Variants in CARMIL1 observed in about 807,000 individuals in gnomAD.
CARMIL1 encodes the protein capping protein regulator and myosin 1 linker 1.
Under a neutral mutation model 177.1 loss-of-function variants are expected in CARMIL1, and 90 were observed. The observed-to-expected ratio is 0.51, with a 90% CI of 0.43 to 0.61. CARMIL1 has a LOEUF of 0.61. CARMIL1 is among the 20% of genes least tolerant of loss of function. The pLI, the probability that CARMIL1 is intolerant of heterozygous loss-of-function variation, is 0.00. For synonymous variants in CARMIL1, 577 were observed against 606.2 expected (o/e 0.95, Z 0.71); for missense variants, 1,380 against 1,667.0 (o/e 0.83, Z 3.00).
rs55686250 is a variant in CARMIL1 at position 25,431,840 on chromosome 6, C to T, written c.250-3643C>T. Among the ~76,000 whole-genome samples the T allele has an allele frequency of 2.5e-3, 377 of 152,150 alleles. 1 individual carries two copies. Among genetic ancestry groups the T allele is most frequent in the African/African-American group, 7.9e-3 (326 of 41,492 alleles). ...GTCAGTGTCAGTACCAAATGAATAG[C>T]TTTACAACAGTGCTTCAATTTAACT... On this transcript the variant is annotated intron_variant, in intron 4 of 36. Transcript: ENST00000329474.
At chr6:25,366,147 C>A (rs1789769361) in intron 2 of CARMIL1, among the ~76,000 whole-genome samples, 1 of 151,078 alleles carries the variant, frequency 6.6e-6, no homozygotes, top group African/African-American at 2.4e-5. Flanking sequence ...TGTGTACTAC[C>A]ATGCCTGGCT....
Position 25,329,295 on chromosome 6 carries a change from G to T in CARMIL1, c.138+44386G>T, listed in dbSNP as rs372712827. 1.3e-3 allele frequency among the ~76,000 whole-genome samples: 192 copies of T among 152,264 alleles called. 1 individual carries two copies. Among genetic ancestry groups the T allele is most frequent in the Middle Eastern group, 0.01 (3 of 294 alleles). ...TAGCAGGAATCGGAAGAGCTGGGTT[G>T]TGACCAGGCTCTTTCTTTTAGCAGT... On this transcript the variant is annotated intron_variant, in intron 2 of 36. Coordinates refer to ENST00000329474, the MANE Select transcript of CARMIL1 (RefSeq NM_017640.6).
At chr6:25,534,942 G>C (rs1264101148) in intron 24 of CARMIL1, among the ~76,000 whole-genome samples, 1 of 152,188 alleles carries the variant, frequency 6.6e-6, no homozygotes, top group Non-Finnish European at 1.5e-5. Context: ...GTATCAACTT[G>C]TGAGCAACCA....
chr6:25,459,791 G>C (rs932685341), intron 8 of CARMIL1, among the ~76,000 whole-genome samples: 5 of 152,176 alleles, frequency 3.3e-5, no homozygotes, highest in African/African-American at 9.7e-5. Context: ...TAAGGAAATG[G>C]TAGAAGTAAT....
intron 29 of CARMIL1, chr6:25,563,278 T>C (rs1027969770): frequency 4.1e-6 from 4 of 985,332 alleles, no homozygotes; most frequent in Non-Finnish European, 4.8e-6. Context: ...AGCTCCAAAT[T>C]ATCACTGCTT....
At chr6:25,369,691 A>C (rs1267826558) in intron 2 of CARMIL1, among the ~76,000 whole-genome samples, 1 of 151,682 alleles carries the variant, frequency 6.6e-6, no homozygotes, top group Non-Finnish European at 1.5e-5. Context: ...CTAGGAACCA[A>C]CCCTGGAGTA....
chr6:25,475,536 T>C (rs1169228627), intron 11 of CARMIL1, among the ~76,000 whole-genome samples: 3 of 152,208 alleles, frequency 2.0e-5, no homozygotes, highest in East Asian at 1.9e-4. Context: ...GTATTAGTTA[T>C]AATAGTCAAA....
intron 31 of CARMIL1, among the ~76,000 whole-genome samples, chr6:25,590,009 T>C (rs1296866083): frequency 1.3e-5 from 2 of 152,218 alleles, no homozygotes; most frequent in African/African-American, 4.8e-5. Flanking sequence ...AGTTGCATCT[T>C]AATGGCCAGA....
intron 32 of CARMIL1, among the ~76,000 whole-genome samples, chr6:25,595,356 C>G (rs556491236): frequency 6.6e-6 from 1 of 152,172 alleles, no homozygotes; most frequent in Non-Finnish European, 1.5e-5. Flanking sequence ...AGCAACTAAT[C>G]AATTCTATTA....
intron 2 of CARMIL1, among the ~76,000 whole-genome samples, chr6:25,416,354 A>G (rs929576333): frequency 6.6e-6 from 1 of 152,194 alleles, no homozygotes; most frequent in African/African-American, 2.4e-5. Context: ...GAACCAGACC[A>G]TCCAGGCTCA....
chr6:25,614,325 G>T (rs1816733428), intron 36 of CARMIL1, among the ~76,000 whole-genome samples: 1 of 152,158 alleles, frequency 6.6e-6, no homozygotes, highest in Non-Finnish European at 1.5e-5. Context: ...CATTGTTTGG[G>T]CTGGGTAGCT....
intron 2 of CARMIL1, among the ~76,000 whole-genome samples, chr6:25,362,760 C>T (rs1789357208): frequency 6.6e-6 from 1 of 152,172 alleles, no homozygotes; most frequent in African/African-American, 2.4e-5. Flanking sequence ...TGGGGCTGGG[C>T]ACAGTGGCTC....
At chr6:25,304,205 T>C (rs114963951) in intron 2 of CARMIL1, among the ~76,000 whole-genome samples, 4,260 of 152,318 alleles carry the variant, frequency 0.028, 73 homozygotes, top group Non-Finnish European at 0.038. Flanking sequence ...TTACAGGTGC[T>C]GAGGATTGGC....
intron 31 of CARMIL1, among the ~76,000 whole-genome samples, chr6:25,587,460 A>T (rs1404410962): frequency 6.6e-6 from 1 of 152,202 alleles, no homozygotes; most frequent in Non-Finnish European, 1.5e-5. Context: ...AAATACCAGC[A>T]TTGCCTACGT....
chr6:25,573,547 A>G (rs1812299031), intron 29 of CARMIL1, among the ~76,000 whole-genome samples: 1 of 124,000 alleles, frequency 8.1e-6, no homozygotes, highest in African/African-American at 3.1e-5. Flanking sequence ...CGCCTCTGCC[A>G]GTTTTTTGCC....
chr6:25,409,172 C>G (rs1023875610), intron 2 of CARMIL1, among the ~76,000 whole-genome samples: 2 of 152,156 alleles, frequency 1.3e-5, no homozygotes, highest in Non-Finnish European at 2.9e-5. Context: ...TATTCTCCCC[C>G]TTGCTCTGAC....
At chr6:25,305,469 G>A (rs1025259496) in intron 2 of CARMIL1, among the ~76,000 whole-genome samples, 24 of 152,162 alleles carry the variant, frequency 1.6e-4, no homozygotes, top group Non-Finnish European at 1.5e-5. Flanking sequence ...CAGGTGAATT[G>A]TAAAGTTTTC....
intron 2 of CARMIL1, among the ~76,000 whole-genome samples, chr6:25,323,713 A>G (rs1399507721): frequency 6.6e-6 from 1 of 152,238 alleles, no homozygotes; most frequent in Admixed American, 6.5e-5. Context: ...AAGTAACATG[A>G]CAGCTTATTT....
rs1307675996 is a variant in CARMIL1 at position 25,488,568 on chromosome 6, C to T, written c.1048C>T (p.Arg350Cys). Residue 350 changes from arginine (R) to cysteine (C), a missense_variant, in exon 13 of 37, where the codon CGT (arginine) becomes TGT (cysteine). Transcript: ENST00000329474. Reference sequence around the variant, plus strand: ...CCTCGACCTCTCAGGGAACGTCCTTCGTGGAGATGACCTCTCAGTAAGTTT... The same window carrying T: ...CCTCGACCTCTCAGGGAACGTCCTTTGTGGAGATGACCTCTCAGTAAGTTT... ...VHLDLSGNVL[R>C]GDDLSHMYNF... 24 of 1,613,500 alleles carry T rather than the reference C, an allele frequency of 1.5e-5. No individual in the cohort carries two copies. Among genetic ancestry groups the T allele is most frequent in the East Asian group, 2.2e-5 (1 of 44,892 alleles).
Sources: allele counts gnomAD v4.1 joint callset (sites outside exome capture counted in the v4.1 genomes callset), GRCh38; gene constraint gnomAD v4.1.1; transcripts MANE v1.5; gene names NCBI Gene and HGNC (gene_info 2026-07-23, HGNC 2026-07-21).